The following IRAG2 variants were observed in gnomAD, a reference collection of about 807,000 sequenced individuals.
IRAG2 encodes lymphoid restricted membrane protein.
IRAG2 carries 45 observed loss-of-function variants against 69.9 expected under a neutral mutation model. The ratio of observed to expected loss-of-function variants is 0.64; its 90% CI spans 0.51 to 0.83. The LOEUF (loss-of-function observed/expected upper bound fraction) is 0.83. Among genes scored for constraint, IRAG2 ranks in the 40% least tolerant of loss-of-function variants. The pLI is 0.00. For missense variants in IRAG2, 520 were observed against 587.0 expected (o/e 0.89, Z 1.18); for synonymous variants, 193 against 202.4 (o/e 0.95, Z 0.40).
chr12:25,108,159 A>G lies in IRAG2; in HGVS notation c.*99A>G. On this transcript the variant is annotated 3_prime_UTR_variant, in exon 22 of 22. Coordinates refer to ENST00000556887, the MANE Select transcript of IRAG2 (RefSeq NM_001366544.2). Reference sequence around the variant, plus strand: ...AGCTGGGAAAGTATAGCATGAAACCAGAGGTTCTCAGAATGACTGTAAGAT... The same window carrying G: ...AGCTGGGAAAGTATAGCATGAAACCGGAGGTTCTCAGAATGACTGTAAGAT... 7.5e-7 allele frequency: 1 copy of G among 1,331,616 alleles called. No individual in the cohort carries two copies. The highest frequency in any genetic ancestry group is 1.0e-6 in the Non-Finnish European group (1 of 970,500). 82.5% of individuals were successfully genotyped at this position (1,331,616 alleles called of 1,614,324 possible).
chr12:25,096,340 T>A (rs1423187260), intron 14 of IRAG2, among the ~76,000 whole-genome samples: 1 of 152,218 alleles, frequency 6.6e-6, no homozygotes, highest in Non-Finnish European at 1.5e-5. Flanking sequence ...AGCAGTGTCA[T>A]GTCTGCTTCC....
chr12:25,100,750 TG>T (rs1948706620), intron 15 of IRAG2: 1 of 153,158 alleles, frequency 6.5e-6, no homozygotes, highest in Non-Finnish European at 1.5e-5. Flanking sequence ...TCCAACTGTA[TG>T]TAGTCTTTCA....
intron 6 of IRAG2, chr12:25,020,742 G>A (rs191699900): frequency 3.4e-5 from 30 of 893,560 alleles, no homozygotes; most frequent in Non-Finnish European, 3.8e-5. Context: ...TGTCTTTGAC[G>A]GTTATATTTG....
chr12:25,097,826 T>C (rs73079682), intron 15 of IRAG2, among the ~76,000 whole-genome samples: 14,853 of 152,276 alleles, frequency 0.098, 1,846 homozygotes, highest in African/African-American at 0.29. Flanking sequence ...GCCTTACTAA[T>C]TTCCCGTGAT....
At chr12:25,019,105 G>A (rs1461584521) in intron 6 of IRAG2, among the ~76,000 whole-genome samples, 3 of 152,246 alleles carry the variant, frequency 2.0e-5, no homozygotes. Context: ...TAGGAGCTGG[G>A]GTGAGTGCCT....
At chr12:25,067,194 C>T (rs1946038810) in intron 5 of IRAG2, among the ~76,000 whole-genome samples, 1 of 152,134 alleles carries the variant, frequency 6.6e-6, no homozygotes. Context: ...TGTCCCTGCA[C>T]CCTACCCTCT....
intron 16 of IRAG2, among the ~76,000 whole-genome samples, chr12:25,044,953 T>C (rs1446973754): frequency 1.3e-5 from 2 of 152,092 alleles, no homozygotes; most frequent in Non-Finnish European, 2.9e-5. Context: ...CAGTAGAATA[T>C]ACATCTTTCT....
intron 2 of IRAG2, among the ~76,000 whole-genome samples, chr12:25,010,606 C>A (rs914765259): frequency 3.9e-5 from 6 of 152,072 alleles, no homozygotes; most frequent in African/African-American, 1.4e-4. Context: ...TGAAGTTATT[C>A]AGCCTCCTTT....
chr12:25,077,484 C>T (rs10771163), intron 6 of IRAG2, among the ~76,000 whole-genome samples: 46,700 of 147,184 alleles, frequency 0.32, 8,148 homozygotes, highest in East Asian at 0.65. Flanking sequence ...GCCATTATCA[C>T]GTAACTACAA....
intron 6 of IRAG2, among the ~76,000 whole-genome samples, chr12:25,017,446 G>A (rs1944539732): frequency 6.6e-6 from 1 of 152,036 alleles, no homozygotes; most frequent in Admixed American, 6.5e-5. Context: ...GGCTGGGCAT[G>A]GTGACTCATG....
intron 2 of IRAG2, among the ~76,000 whole-genome samples, chr12:25,062,437 ATATAAC>A (rs1404879386): frequency 1.3e-5 from 2 of 152,232 alleles, no homozygotes; most frequent in Non-Finnish European, 2.9e-5. Flanking sequence ...TTCTATTATA[ATATAAC>A]TATGATAGAT....
intron 11 of IRAG2, 120 bp from the exon 12 acceptor site, chr12:25,089,494 G>A (rs80103258): frequency 0.086 from 51,714 of 598,816 alleles, 2,539 homozygotes; most frequent in South Asian, 0.14. Flanking sequence ...ATTAGCTGGC[G>A]ATCATCTCAG....
intron 12 of IRAG2, among the ~76,000 whole-genome samples, chr12:25,033,491 T>G (rs1402921386): frequency 6.6e-6 from 1 of 152,234 alleles, no homozygotes; most frequent in East Asian, 1.9e-4. Flanking sequence ...GGTTACTCTG[T>G]TTAGCTCCAA....
intron 9 of IRAG2, among the ~76,000 whole-genome samples, chr12:25,080,267 A>G (rs1330948986): frequency 6.6e-6 from 1 of 152,120 alleles, no homozygotes; most frequent in Non-Finnish European, 1.5e-5. Context: ...CCAGTGAGAC[A>G]CCACTTTAGT....
At chr12:25,005,457 G>A (rs559987740) in intron 2 of IRAG2, 2 of 461,736 alleles carry the variant, frequency 4.3e-6, no homozygotes, top group South Asian at 2.3e-4. Context: ...GGGTCTCATT[G>A]TCTGCGTCTA....
At chr12:25,105,939 C>A (rs1023209642) in intron 20 of IRAG2, among the ~76,000 whole-genome samples, 1 of 152,088 alleles carries the variant, frequency 6.6e-6, no homozygotes, top group Non-Finnish European at 1.5e-5. Context: ...CAACTAGGAA[C>A]TCATCAGCAA....
In IRAG2 at chr12:25,079,433, C is replaced by T. The variant is rs1947045737; in HGVS notation, c.107C>T (p.Ser36Leu). ...YSSLPLPRHT[S>L]STDGTITSSD... ...TCACTACCATTACCCAGACACACTTCATCGACAGACGGTACTATAACTTCA... is the reference window on the plus strand; with the variant it reads ...TCACTACCATTACCCAGACACACTTTATCGACAGACGGTACTATAACTTCA... The change falls in exon 8 of 22, where the codon TCA becomes TTA. Residue 36 changes from serine (S) to leucine (L), a missense_variant. By Grantham distance (145) the Ser-to-Leu change is moderately radical. Coordinates refer to ENST00000556887, the MANE Select transcript of IRAG2 (RefSeq NM_001366544.2). 16 of 1,613,622 alleles carry T rather than the reference C, an allele frequency of 9.9e-6. 1 individual carries two copies. The African/African-American group carries it at 1.3e-4, about 13-fold the overall frequency.
At chr12:25,102,318 C>T (rs2140244878) in intron 17 of IRAG2, 77 bp downstream of exon 17, 1 of 1,122,778 alleles carries the variant, frequency 8.9e-7, no homozygotes, top group East Asian at 2.4e-5. Context: ...AGTTTCAGGC[C>T]TTTATATGTA....
At chr12:25,090,581 G>A (rs187969428) in intron 14 of IRAG2, among the ~76,000 whole-genome samples, 3 of 151,994 alleles carry the variant, frequency 2.0e-5, no homozygotes, top group Admixed American at 2.0e-4. Flanking sequence ...AAAACATTTG[G>A]TCATATTTTC....
Sources: gnomAD v4.1 joint callset for allele counts (sites outside exome capture counted in the v4.1 genomes callset) on GRCh38, gnomAD v4.1.1 for gene constraint, MANE v1.5 for transcripts, NCBI Gene and HGNC (gene_info 2026-07-23, HGNC 2026-07-21) for gene names.